Variants in ANXA8 observed in about 807,000 individuals in gnomAD.
ANXA8 encodes VAC-beta.
In ANXA8, 9 loss-of-function variants were observed where a neutral mutation model predicts 26.8. The observed-to-expected ratio is 0.34, with a 90% CI of 0.20 to 0.59. ANXA8 has a LOEUF of 0.59. Among genes scored for constraint, ANXA8 ranks in the 20% least tolerant of loss-of-function variants. The probability of loss-of-function intolerance (pLI) is 0.84; values close to 1 mark genes in which losing one functional copy is unlikely to be tolerated. For missense variants in ANXA8, 83 were observed against 238.5 expected (o/e 0.35, Z 4.29); for synonymous variants, 39 against 94.8 (o/e 0.41, Z 3.42).
the ANXA8 span, among the ~76,000 whole-genome samples, chr10:47,988,886 A>G: frequency 6.6e-6 from 1 of 151,746 alleles, no homozygotes; most frequent in Non-Finnish European, 1.5e-5. Flanking sequence ...TAGGCCCTGA[A>G]TGTTTAAAAA....
chr10:47,981,133 C>A, the ANXA8 span, among the ~76,000 whole-genome samples: 5 of 151,738 alleles, frequency 3.3e-5, no homozygotes, highest in Non-Finnish European at 5.9e-5. Context: ...TTCAGGAATG[C>A]AAAGTTGGTT....
At chr10:47,744,408 T>TGGGGGGGGGGGG in the ANXA8 span, among the ~76,000 whole-genome samples, 5 of 4,320 alleles carry the variant, frequency 1.2e-3, no homozygotes, top group East Asian at 0.012. Context: ...GGAAGGCTCC[T>TGGGGGGGGGGGG]GGTGGGGGGG....
the ANXA8 span, among the ~76,000 whole-genome samples, chr10:47,954,299 C>T: frequency 2.0e-5 from 3 of 150,986 alleles, no homozygotes; most frequent in Admixed American, 1.3e-4. Flanking sequence ...CACAGAAACA[C>T]AAATTTTGCA....
chr10:47,710,988 C>T, the ANXA8 span, among the ~76,000 whole-genome samples: 2 of 147,380 alleles, frequency 1.4e-5, no homozygotes, highest in Non-Finnish European at 3.0e-5. Flanking sequence ...GAAGATCTTA[C>T]CTCCTTCAAA....
the ANXA8 span, among the ~76,000 whole-genome samples, chr10:47,991,242 A>C: frequency 8.9e-6 from 1 of 111,908 alleles, no homozygotes; most frequent in Non-Finnish European, 1.9e-5. Context: ...CTCAAAGCCA[A>C]GCTCCCCGCC....
chr10:47,590,745 G>C, the ANXA8 span, among the ~76,000 whole-genome samples: 2 of 144,200 alleles, frequency 1.4e-5, no homozygotes, highest in African/African-American at 5.8e-5. Context: ...TTTCTAGACA[G>C]AGGAACTGAA....
At chr10:47,669,170 A>T in the ANXA8 span, among the ~76,000 whole-genome samples, 11 of 151,958 alleles carry the variant, frequency 7.2e-5, no homozygotes, top group Admixed American at 1.3e-4. Context: ...ATAGTAACCT[A>T]ACCATGTGGT....
chr10:47,559,791 C>T, the ANXA8 span, among the ~76,000 whole-genome samples: 1 of 151,868 alleles, frequency 6.6e-6, no homozygotes, highest in South Asian at 2.1e-4. Context: ...CTTCTATCCC[C>T]TCCTTGTCCC....
the ANXA8 span, among the ~76,000 whole-genome samples, chr10:47,942,715 T>C: frequency 7.0e-6 from 1 of 142,776 alleles, no homozygotes; most frequent in Non-Finnish European, 1.5e-5. Flanking sequence ...TGAGTCTGTC[T>C]GAACGGTCTG....
chr10:47,664,115 G>T, the ANXA8 span, among the ~76,000 whole-genome samples: 5 of 151,232 alleles, frequency 3.3e-5, no homozygotes, highest in African/African-American at 1.2e-4. Context: ...GGTGGCTGAC[G>T]CCTGTAATCC....
chr10:47,496,052 T>C, the ANXA8 span, among the ~76,000 whole-genome samples: 6 of 151,448 alleles, frequency 4.0e-5, no homozygotes, highest in South Asian at 2.1e-4. Flanking sequence ...GAAAGGAGGC[T>C]GGCAGTAGAA....
chr10:47,632,287 A>G, the ANXA8 span, among the ~76,000 whole-genome samples: 1 of 150,418 alleles, frequency 6.6e-6, no homozygotes. Flanking sequence ...TATTGGCTTC[A>G]GATAATTATT....
At chr10:47,500,333 C>G in the ANXA8 span, among the ~76,000 whole-genome samples, 1 of 128,560 alleles carries the variant, frequency 7.8e-6, no homozygotes, top group Non-Finnish European at 1.6e-5. Context: ...GCTGCCGGCT[C>G]TGCTCTTTCA....
chr10:47,483,130 C>A (rs1211064388), intron 1 of ANXA8, among the ~76,000 whole-genome samples: 1 of 151,682 alleles, frequency 6.6e-6, no homozygotes, highest in African/African-American at 2.4e-5. Context: ...AGATGGAAAG[C>A]TCCCGAGAAC....
chr10:47,484,971 C>T (rs1840005693), upstream of ANXA8, among the ~76,000 whole-genome samples: 2 of 148,774 alleles, frequency 1.3e-5, no homozygotes, highest in South Asian at 4.3e-4. Flanking sequence ...GATCCACCCG[C>T]TCATCCTGGA....
chr10:47,616,588 T>C, the ANXA8 span, among the ~76,000 whole-genome samples: 1 of 54,642 alleles, frequency 1.8e-5, no homozygotes, highest in African/African-American at 5.4e-5. Flanking sequence ...TGGCCATGTT[T>C]AGCTTCATCT....
the ANXA8 span, among the ~76,000 whole-genome samples, chr10:47,508,965 A>G: frequency 7.6e-6 from 1 of 130,820 alleles, no homozygotes; most frequent in African/African-American, 3.5e-5. Flanking sequence ...ACATTTTTCA[A>G]TATATCTTCT....
the ANXA8 span, among the ~76,000 whole-genome samples, chr10:47,644,286 C>T: frequency 2.0e-5 from 3 of 149,642 alleles, no homozygotes; most frequent in Non-Finnish European, 4.4e-5. Context: ...CATTATTTTC[C>T]TGTAACCAAA....
the ANXA8 span, among the ~76,000 whole-genome samples, chr10:47,952,035 AT>A: frequency 1.3e-5 from 2 of 150,504 alleles, no homozygotes; most frequent in Admixed American, 6.6e-5. Context: ...TTATAAAAGC[AT>A]TTGACAATAT....
Sources: gnomAD v4.1 joint callset for allele counts (sites outside exome capture counted in the v4.1 genomes callset) on GRCh38, gnomAD v4.1.1 for gene constraint, MANE v1.5 for transcripts, NCBI Gene and HGNC (gene_info 2026-07-23, HGNC 2026-07-21) for gene names.